Variants in LAMA5 observed in about 807,000 individuals in gnomAD.
The protein encoded by LAMA5 is laminin subunit alpha 5.
Under a neutral mutation model 433.4 loss-of-function variants are expected in LAMA5, and 260 were observed. The observed-to-expected ratio is 0.60, with a 90% CI of 0.54 to 0.66. The LOEUF (loss-of-function observed/expected upper bound fraction) is 0.66. Among genes scored for constraint, LAMA5 ranks in the 30% least tolerant of loss-of-function variants. The probability of loss-of-function intolerance (pLI) is 0.00; values close to 1 mark genes in which losing one functional copy is unlikely to be tolerated. For missense variants in LAMA5, 5,378 were observed against 5,258.5 expected (o/e 1.02, Z -0.70); for synonymous variants, 2,620 against 2,226.6 (o/e 1.18, Z -4.97).
intron 16 of LAMA5, chr20:62,337,110 C>A: frequency 3.4e-6 from 2 of 590,944 alleles, no homozygotes; most frequent in South Asian, 1.6e-5. Context: ...ACTACACGTG[C>A]ACTAACACAC....
chr20:62,314,865 C>T lies in LAMA5; in HGVS notation c.8130G>A (p.Leu2710=), dbSNP rs200872606. The T allele has an allele frequency of 9.3e-6, 15 of 1,612,468 alleles. No individual in the cohort carries two copies. The Admixed American group carries it at 1.5e-4, about 16-fold the overall frequency. ...LENRGVHNAS[L]ALSASIGRVR... is the part of the protein sequence containing the mutation. The stretch of plus-strand genomic sequence containing the variant: ...CGCGGCCAATGCTGGCGGACAGGGC[C>T]AGGCTGGCGTTGTGCACCCCACGGT... The change falls in exon 60 of 80, where the codon CTG becomes CTA. Residue 2710 remains leucine (L), a synonymous_variant. Coordinates refer to ENST00000252999, the MANE Select transcript of LAMA5 (RefSeq NM_005560.6).
In LAMA5 at chr20:62,337,721, T is replaced by A; in HGVS notation, c.2033A>T (p.His678Leu). The change falls in exon 16 of 80, where the codon CAC becomes CTC. Residue 678 changes from histidine (H) to leucine (L), a missense_variant. Transcript: ENST00000252999. Reference sequence around the variant, plus strand: ...GTGCAGGGAGCCTTCAGCAGAGCAGTGGCAGGCTGCAGACAAGGATAGCTG... The same window carrying A: ...GTGCAGGGAGCCTTCAGCAGAGCAGAGGCAGGCTGCAGACAAGGATAGCTG... ...FHGFPSCVPC[H>L]CSAEGSLHAA... 1.2e-6 allele frequency: 2 copies of A among 1,609,064 alleles called. No individual in the cohort carries two copies. Among genetic ancestry groups the A allele is most frequent in the Non-Finnish European group, 1.7e-6 (2 of 1,177,500 alleles).
chr20:62,312,419 C>T lies in LAMA5; in HGVS notation c.9341G>A (p.Gly3114Asp), dbSNP rs1192993313. The change falls in exon 68 of 80, where the codon GGC (glycine) becomes GAC (aspartate). Residue 3114 changes from glycine to aspartate, a missense_variant. Transcript: ENST00000252999. ...GCTCACCAGCAGGTCGGCGGTGCAG[C>T]CGGCGCTCACGCCTGTCGTGTTCAG... ...KRLNTTGVSAGCTADLLVGRA... is the reference protein window; with the variant it reads ...KRLNTTGVSADCTADLLVGRA... The T allele has an allele frequency of 6.3e-7, 1 of 1,597,806 alleles. No homozygotes were observed.
rs575874600 is a variant in LAMA5 at position 62,352,295 on chromosome 20, C to T, written c.634G>A (p.Ala212Thr). 19 of 1,599,862 alleles carry T rather than the reference C, an allele frequency of 1.2e-5. No homozygotes were observed. Among genetic ancestry groups the T allele is most frequent in the Admixed American group, 1.0e-4 (6 of 59,986 alleles). Residue 212 changes from alanine to threonine, a missense_variant, in exon 4 of 80, where the codon GCG becomes ACG. Coordinates refer to ENST00000252999, the MANE Select transcript of LAMA5 (RefSeq NM_005560.6). Reference sequence around the variant, plus strand: ...GAGTACTCGGTGGTGCAGATGGCCGCGTCGTCCCGTGTGATGCGCTCCAGC... The same window carrying T: ...GAGTACTCGGTGGTGCAGATGGCCGTGTCGTCCCGTGTGATGCGCTCCAGC... ...QTLERITRDD[A>T]AICTTEYSRI...
chr20:62,329,104 C>A, intron 33 of LAMA5, 34 bp downstream of exon 33: 1 of 1,612,036 alleles, frequency 6.2e-7, no homozygotes, highest in African/African-American at 1.3e-5. Context: ...CAGACCCCCA[C>A]CCCGGACCCC....
chr20:62,309,198 C>G lies in LAMA5; in HGVS notation c.*138G>C, dbSNP rs1985782532. The stretch of plus-strand genomic sequence containing the variant: ...GTATTTTATTCTTTCGTTTAAGAAG[C>G]TATAACTTAAACCATCTTCAGAAAC... On this transcript the variant is annotated 3_prime_UTR_variant, in exon 80 of 80. Transcript: ENST00000252999. The G allele has an allele frequency of 1.2e-6, 1 of 857,490 alleles. No individual in the cohort carries two copies. Among genetic ancestry groups the G allele is most frequent in the Non-Finnish European group, 1.7e-6 (1 of 585,846 alleles). 53.1% of individuals were successfully genotyped at this position (857,490 alleles called of 1,614,324 possible).
At chr20:62,321,687 GGGGTCAGTGGGGGAGGCA>G (rs1364285638) in intron 48 of LAMA5, among the ~76,000 whole-genome samples, 1 of 97,504 alleles carries the variant, frequency 1.0e-5, no homozygotes, top group Admixed American at 1.0e-4. Context: ...GTGGAGGGGT[GGGGTCAGTGGGGGAGGCA>G]GGGCCAGCAG....
In LAMA5 at chr20:62,336,744, G is replaced by A. The variant is rs201189211; in HGVS notation, c.2207C>T (p.Ala736Val). 5.6e-5 allele frequency: 90 copies of A among 1,613,082 alleles called. No homozygotes were observed. In the East Asian group the frequency reaches 1.6e-3, roughly 28 times the overall value. The change falls in exon 17 of 80, where the codon GCC becomes GTC. Residue 736 changes from alanine to valine, a missense_variant. By Grantham distance (64) the Ala-to-Val change is moderately conservative. Coordinates refer to ENST00000252999, the MANE Select transcript of LAMA5 (RefSeq NM_005560.6). ...HPAGLAPVDP[A>V]LPEAQVPCMC... ...CAGACTTGGGCTCACCTCAGGAAGG[G>A]CAGGATCCACTGGGGCCAGACCGGC...
intron 28 of LAMA5, 53 bp downstream of exon 28, chr20:62,332,319 A>T: frequency 7.5e-7 from 1 of 1,327,762 alleles, no homozygotes; most frequent in Non-Finnish European, 1.1e-6. Context: ...TGCATGTTTC[A>T]AATCTTCTGA....
chr20:62,355,108 G>A (rs1984983281), intron 2 of LAMA5, among the ~76,000 whole-genome samples: 1 of 152,204 alleles, frequency 6.6e-6, no homozygotes, highest in African/African-American at 2.4e-5. Context: ...GGGCGGCAGT[G>A]GGGACCAGCC....
Position 62,316,756 on chromosome 20 carries a change from G to A in LAMA5, c.7671C>T (p.Gly2557=), listed in dbSNP as rs765757896. The A allele has an allele frequency of 2.5e-6, 4 of 1,606,864 alleles. No homozygotes were observed. The South Asian group carries it at 3.3e-5, about 13-fold the overall frequency. The change falls in exon 57 of 80, where the codon GGC becomes GGT. Residue 2557 remains glycine, a synonymous_variant. Transcript: ENST00000252999. ...GGAGCTGCTGGGCTCGGTCCACCAG[G>A]CCCTGCCGCACCACCGTCTGTGGAT... ...DHTWATVVRQ[G]LVDRAQQLLA...
At position 62,310,054 on chromosome 20, in the gene LAMA5, C is replaced by T; in HGVS notation, c.10762G>A (p.Gly3588Arg). 2 of 1,611,360 alleles carry T rather than the reference C, an allele frequency of 1.2e-6. No homozygotes were observed. The highest frequency in any genetic ancestry group is 1.7e-6 in the Non-Finnish European group (2 of 1,179,750). ...CGGGTCACTGACGTGGAGAACTCCCCTGCTCCGTCATCCGCCCGCAGCAGG... is the reference window on the plus strand; with the variant it reads ...CGGGTCACTGACGTGGAGAACTCCCTTGCTCCGTCATCCGCCCGCAGCAGG... ...QVLLRADDGA[G>R]EFSTSVTRPS... is the part of the protein sequence containing the mutation. The change falls in exon 78 of 80, where the codon GGG becomes AGG. Residue 3588 changes from glycine to arginine, a missense_variant. By Grantham distance (125) the Gly-to-Arg change is moderately radical. Coordinates refer to ENST00000252999, the MANE Select transcript of LAMA5 (RefSeq NM_005560.6).
At chr20:62,312,598 TG>T in intron 67 of LAMA5, 33 bp downstream of exon 67, 1 of 1,600,304 alleles carries the variant, frequency 6.2e-7, no homozygotes, top group South Asian at 1.1e-5. Context: ...CCCAACAGCC[TG>T]GCCTCGGAGC....
In LAMA5 at chr20:62,309,634, AG is replaced by A. The variant is rs1172790797; in HGVS notation, c.10948+81del. 3.2e-4 allele frequency: 137 copies of A among 424,746 alleles called. 7 individuals are homozygous for A. In the African/African-American group the frequency reaches 4.8e-3, roughly 15 times the overall value. 26.3% of individuals were successfully genotyped at this position (424,746 alleles called of 1,614,324 possible). Reference sequence around the variant, plus strand: ...GAGGGTGGGAGGGGGCAGGGGGTGGAGGGGTGGGGGGAGGGTGGTAGGTTAC... The same window carrying A: ...GAGGGTGGGAGGGGGCAGGGGGTGGAGGGTGGGGGGAGGGTGGTAGGTTAC... On this transcript the variant is annotated intron_variant, in intron 79 of 79. Transcript: ENST00000252999.
rs1420630453 is a variant in LAMA5, at chr20:62,313,640, C to T, written c.8658+9G>A. The T allele has an allele frequency of 6.2e-6, 10 of 1,612,012 alleles. No individual in the cohort carries two copies. Among genetic ancestry groups the T allele is most frequent in the South Asian group, 5.5e-5 (5 of 91,030 alleles). ...CCCTCCCAGGCTGCCCCAGGCCGGG[C>T]GGGCTCACCGTGAAGGTACTGGGGT... On this transcript the variant is annotated intron_variant, in intron 63 of 79. Coordinates refer to ENST00000252999, the MANE Select transcript of LAMA5 (RefSeq NM_005560.6).
rs778076410 is a variant in LAMA5, at chr20:62,329,253, C to A, written c.4120G>T (p.Asp1374Tyr). ...TTCTCAGGGACCACGAGTACATAAT[C>A]CTAGGGGGTGAGGCCTGGTCACTCT... ...RVPKGRWLWLDYVLVVPENVY... is the reference protein window; with the variant it reads ...RVPKGRWLWLYYVLVVPENVY... Residue 1374 changes from aspartate to tyrosine, a missense_variant and splice_region_variant, in exon 33 of 80, where the codon GAT (aspartate) becomes TAT (tyrosine). Physicochemically the swap from Asp to Tyr is radical, Grantham distance 160. Coordinates refer to ENST00000252999, the MANE Select transcript of LAMA5 (RefSeq NM_005560.6). The A allele has an allele frequency of 1.2e-6, 2 of 1,607,616 alleles. No homozygotes were observed. Among genetic ancestry groups the A allele is most frequent in the Non-Finnish European group, 1.7e-6 (2 of 1,175,612 alleles).
chr20:62,326,572 T>G, intron 40 of LAMA5, 105 bp downstream of exon 40: 1 of 936,478 alleles, frequency 1.1e-6, no homozygotes, highest in Non-Finnish European at 1.6e-6. Flanking sequence ...CCTGGGCTGT[T>G]TTCCACCACG....
In LAMA5 at chr20:62,332,467, C is replaced by G; in HGVS notation, c.3457G>C (p.Gly1153Arg). Residue 1153 changes from glycine (G) to arginine (R), a missense_variant, in exon 28 of 80, where the codon GGC becomes CGC. By Grantham distance (125) the Gly-to-Arg change is moderately radical. Transcript: ENST00000252999. ...HPCLYSTLCR[G>R]TARDTQDHLA... ...TGGTCCTGGGTATCCCGGGCAGTGC[C>G]CCGGCACAGGGTGCTGTGGGGGGAG... is the stretch of plus-strand genomic sequence containing the variant. 1 of 1,612,518 alleles carries G rather than the reference C, an allele frequency of 6.2e-7. No individual in the cohort carries two copies. The highest frequency in any genetic ancestry group is 8.5e-7 in the Non-Finnish European group (1 of 1,179,876).
At chr20:62,331,516 C>G (rs879280623) in intron 28 of LAMA5, among the ~76,000 whole-genome samples, 6 of 152,248 alleles carry the variant, frequency 3.9e-5, no homozygotes, top group Non-Finnish European at 5.9e-5. Context: ...CTTCCTCCCC[C>G]TCGCCCTCCC....
Sources: gnomAD v4.1 joint callset for allele counts (sites outside exome capture counted in the v4.1 genomes callset) on GRCh38, gnomAD v4.1.1 for gene constraint, MANE v1.5 for transcripts, NCBI Gene and HGNC (gene_info 2026-07-23, HGNC 2026-07-21) for gene names.